The following LTBP1 variants were observed in gnomAD, a reference collection of about 807,000 sequenced individuals.
The protein encoded by LTBP1 is latent-transforming growth factor beta-binding protein 1.
In LTBP1, 129 loss-of-function variants were observed where a neutral mutation model predicts 207.6. The observed-to-expected ratio is 0.62, with a 90% CI of 0.54 to 0.72. The LOEUF (loss-of-function observed/expected upper bound fraction) is 0.72, where lower values mean the gene tolerates loss of function less well. Ranked by LOEUF, LTBP1 falls within the 30% of genes least tolerant of loss-of-function variation. The pLI, the probability that LTBP1 is intolerant of heterozygous loss-of-function variation, is 0.00. For missense variants in LTBP1, 2,281 were observed against 2,217.2 expected (o/e 1.03, Z -0.58); for synonymous variants, 963 against 833.7 (o/e 1.16, Z -2.67).
chr2:33,226,844 A>G (rs184721531), intron 9 of LTBP1, among the ~76,000 whole-genome samples: 19 of 152,232 alleles, frequency 1.2e-4, no homozygotes, highest in Middle Eastern at 3.4e-3. Flanking sequence ...TTTGATTAGC[A>G]GGGTCATGAT....
At position 32,947,775 on chromosome 2, in the gene LTBP1, G is replaced by A. The variant is rs1676426430; in HGVS notation, c.451G>A (p.Gly151Arg). The change falls in exon 1 of 34, where the codon GGA (glycine) becomes AGA (arginine). Residue 151 changes from glycine to arginine, a missense_variant. Physicochemically the swap from Gly to Arg is moderately radical, Grantham distance 125. Around this residue, in one of 3 missense-constraint regions of LTBP1, gnomAD observed 555 missense variants for 491.0 expected, o/e 1.13. Coordinates refer to ENST00000404816, the MANE Select transcript of LTBP1 (RefSeq NM_206943.4). ...SKVPQETQSG[G>R]GSRLQVHQKQ... ...GGTGCCGCAGGAGACCCAGAGCGGC[G>A]GAGGCTCTAGGCTGCAGGTTCACCA... is the stretch of plus-strand genomic sequence containing the variant. 1 of 1,513,958 alleles carries A rather than the reference G, an allele frequency of 6.6e-7. No homozygotes were observed. The highest frequency in any genetic ancestry group is 8.9e-7 in the Non-Finnish European group (1 of 1,128,910). The allele number at this position is 1,513,958 out of a possible 1,614,324, so 93.8% of individuals were successfully genotyped here.
chr2:33,362,087 G>A (rs551606926), intron 28 of LTBP1, among the ~76,000 whole-genome samples: 4 of 152,070 alleles, frequency 2.6e-5, no homozygotes, highest in African/African-American at 7.2e-5. Context: ...ATAAATGTGC[G>A]GCCTTTTAAT....
Position 33,188,784 on chromosome 2 carries a change from C to A in LTBP1, c.1634C>A (p.Pro545His). Reference sequence around the variant, plus strand: ...ACATACTCCCACCAGCAGGTCATTCCTCACGTCTACCCCGTGGCTGCTAAG... The same window carrying A: ...ACATACTCCCACCAGCAGGTCATTCATCACGTCTACCCCGTGGCTGCTAAG... ...HSTYSHQQVI[P>H]HVYPVAAKTQ... The change falls in exon 7 of 34, where the codon CCT becomes CAT. Residue 545 changes from proline to histidine, a missense_variant. Physicochemically the swap from Pro to His is moderately conservative, Grantham distance 77. Transcript: ENST00000404816. 1 of 1,614,176 alleles carries A rather than the reference C, an allele frequency of 6.2e-7. No homozygotes were observed. The highest frequency in any genetic ancestry group is 1.1e-5 in the South Asian group (1 of 91,078).
chr2:33,207,119 G>T (rs1449247011), intron 7 of LTBP1, among the ~76,000 whole-genome samples: 1 of 152,168 alleles, frequency 6.6e-6, no homozygotes, highest in Non-Finnish European at 1.5e-5. Context: ...TGTAGAGGTG[G>T]AGAAAATAGG....
At chr2:33,352,966 C>CTTTGTTTTTTTTTTTTTTTTTTTTT in intron 26 of LTBP1, among the ~76,000 whole-genome samples, 1 of 141,962 alleles carries the variant, frequency 7.0e-6, no homozygotes, top group African/African-American at 2.7e-5. Context: ...CCTTGTAAGC[C>CTTTGTTTTTTTTTTTTTTTTTTTTT]TTTCTTTTTT....
intron 3 of LTBP1, among the ~76,000 whole-genome samples, chr2:33,028,244 T>C (rs4449182): frequency 0.23 from 34,247 of 152,110 alleles, 4,057 homozygotes; most frequent in Admixed American, 0.32. Context: ...AGAGTTTGCT[T>C]CCTAATACAA....
chr2:33,375,518 GTTGTTTGT>G (rs549623386), intron 31 of LTBP1, among the ~76,000 whole-genome samples: 67 of 152,036 alleles, frequency 4.4e-4, no homozygotes, highest in African/African-American at 1.5e-3. Flanking sequence ...ATTATGTTGA[GTTGTTTGT>G]TTGTTTGTTT....
At chr2:33,177,604 A>G (rs941971636) in intron 5 of LTBP1, among the ~76,000 whole-genome samples, 3 of 151,796 alleles carry the variant, frequency 2.0e-5, no homozygotes, top group East Asian at 1.9e-4. Flanking sequence ...GGAGATGGAC[A>G]TTGCGGTGAG....
intron 9 of LTBP1, among the ~76,000 whole-genome samples, chr2:33,231,491 A>G (rs1449687612): frequency 2.0e-5 from 3 of 152,202 alleles, no homozygotes; most frequent in African/African-American, 7.2e-5. Flanking sequence ...TATTCTGCAT[A>G]AGGACTTTTT....
intron 24 of LTBP1, among the ~76,000 whole-genome samples, chr2:33,338,314 G>C (rs2094576275): frequency 6.6e-6 from 1 of 151,998 alleles, no homozygotes; most frequent in Non-Finnish European, 1.5e-5. Flanking sequence ...TTCACCTTCA[G>C]GTCAATTATT....
At chr2:33,282,465 T>G (rs939138769) in intron 19 of LTBP1, among the ~76,000 whole-genome samples, 3 of 152,174 alleles carry the variant, frequency 2.0e-5, no homozygotes, top group African/African-American at 7.2e-5. Context: ...TTTATAGTAG[T>G]AGAGCTTTCA....
intron 3 of LTBP1, among the ~76,000 whole-genome samples, chr2:33,108,616 G>T (rs1467765072): frequency 6.6e-6 from 1 of 152,108 alleles, no homozygotes; most frequent in Non-Finnish European, 1.5e-5. Flanking sequence ...TCTGGCTGTG[G>T]TTGGGGCACG....
At chr2:33,249,323 T>TCACACACA (rs61249844) in intron 10 of LTBP1, among the ~76,000 whole-genome samples, 4,107 of 141,342 alleles carry the variant, frequency 0.029, 72 homozygotes, top group Middle Eastern at 0.038. Context: ...GTCTGATTTT[T>TCACACACA]CACACACACA....
chr2:32,962,932 A>G (rs1455232458), intron 2 of LTBP1, among the ~76,000 whole-genome samples: 2 of 152,252 alleles, frequency 1.3e-5, no homozygotes, highest in African/African-American at 4.8e-5. Flanking sequence ...CTGTGGCTTG[A>G]GAACCACTGC....
intron 5 of LTBP1, among the ~76,000 whole-genome samples, chr2:33,149,674 G>A (rs1049043973): frequency 2.6e-5 from 4 of 152,184 alleles, no homozygotes; most frequent in African/African-American, 9.7e-5. Context: ...CCTTCATTCT[G>A]AAGATTCTCT....
intron 2 of LTBP1, among the ~76,000 whole-genome samples, chr2:32,991,981 C>G (rs1209605014): frequency 6.6e-6 from 1 of 152,158 alleles, no homozygotes; most frequent in Non-Finnish European, 1.5e-5. Flanking sequence ...GTAGATGACA[C>G]AAAAACAGTC....
rs747351523 is a variant in LTBP1 at position 33,150,625 on chromosome 2, G to C, written c.1201+15665G>C. Among the ~76,000 whole-genome samples the C allele has an allele frequency of 1.4e-3, 209 of 146,274 alleles. 3 individuals are homozygous for C. Among genetic ancestry groups the C allele is most frequent in the Middle Eastern group, 3.6e-3 (1 of 280 alleles). Reference sequence around the variant, plus strand: ...CTACTTTCTGTCTCTATGAATTTGAGTATTTTAGAGACTTACTATTTGTCC... The same window carrying C: ...CTACTTTCTGTCTCTATGAATTTGACTATTTTAGAGACTTACTATTTGTCC... On this transcript the variant is annotated intron_variant, in intron 5 of 33. Coordinates refer to ENST00000404816, the MANE Select transcript of LTBP1 (RefSeq NM_206943.4).
At position 33,209,678 on chromosome 2, in the gene LTBP1, C is replaced by T. The variant is rs146981073; in HGVS notation, c.1702-7874C>T. ...TTCTTTTATTTCTATATCTAACTTA[C>T]GTGTTTATTTTATACATCTCTTATC... On this transcript the variant is annotated intron_variant, in intron 7 of 33. Coordinates refer to ENST00000404816, the MANE Select transcript of LTBP1 (RefSeq NM_206943.4). Among the ~76,000 whole-genome samples the T allele has an allele frequency of 1.9e-4, 29 of 152,260 alleles. No homozygotes were observed. In the East Asian group the frequency reaches 2.1e-3, roughly 11 times the overall value.
intron 2 of LTBP1, among the ~76,000 whole-genome samples, chr2:32,996,318 A>G (rs1446300823): frequency 6.6e-6 from 1 of 152,066 alleles, no homozygotes; most frequent in Non-Finnish European, 1.5e-5. Context: ...GAGTCTCTCT[A>G]GGACCTCTTT....
Sources: allele counts gnomAD v4.1 joint callset (sites outside exome capture counted in the v4.1 genomes callset), GRCh38; gene constraint gnomAD v4.1.1; regional missense constraint gnomAD v4.1.1; transcripts MANE v1.5; gene names NCBI Gene and HGNC (gene_info 2026-07-23, HGNC 2026-07-21).